The following RGS6 variants were observed in gnomAD, a reference collection of about 807,000 sequenced individuals.
RGS6 encodes the protein regulator of G protein signaling 6.
Under a neutral mutation model 78.5 loss-of-function variants are expected in RGS6, and 30 were observed. That is an observed-to-expected ratio of 0.38 (90% CI 0.29 to 0.52). RGS6 has a LOEUF of 0.52. Among genes scored for constraint, RGS6 ranks in the 20% least tolerant of loss-of-function variants. RGS6 has a pLI of 0.85. For missense variants in RGS6, 495 were observed against 609.7 expected (o/e 0.81, Z 1.98); for synonymous variants, 206 against 206.0 (o/e 1.00, Z 0.00).
chr14:72,473,695 C>A (rs948251012), intron 9 of RGS6, among the ~76,000 whole-genome samples: 3 of 152,182 alleles, frequency 2.0e-5, no homozygotes, highest in Non-Finnish European at 4.4e-5. Flanking sequence ...AGCATCACTC[C>A]CGTGGGAACT....
intron 17 of RGS6, among the ~76,000 whole-genome samples, chr14:72,552,120 G>A (rs1046771523): frequency 1.3e-5 from 2 of 152,216 alleles, no homozygotes; most frequent in African/African-American, 4.8e-5. Context: ...GTGGTTGAGG[G>A]TGGGTACGTG....
chr14:72,357,824 C>A (rs987443500), intron 3 of RGS6, among the ~76,000 whole-genome samples: 1 of 152,128 alleles, frequency 6.6e-6, no homozygotes, highest in Admixed American at 6.5e-5. Context: ...TAAGGAGGAA[C>A]CAAATGTTAA....
chr14:71,946,369 G>A (rs1290527352), intron 1 of RGS6, among the ~76,000 whole-genome samples: 1 of 152,128 alleles, frequency 6.6e-6, no homozygotes, highest in Admixed American at 6.6e-5. Flanking sequence ...GGTTGCGGGG[G>A]CGGGATGTTC....
At chr14:72,196,629 A>G (rs1436750050) in intron 2 of RGS6, among the ~76,000 whole-genome samples, 1 of 152,232 alleles carries the variant, frequency 6.6e-6, no homozygotes, top group Non-Finnish European at 1.5e-5. Context: ...TATGTGTACC[A>G]CAGAATTTTC....
intron 2 of RGS6, among the ~76,000 whole-genome samples, chr14:72,229,471 C>G (rs2048988993): frequency 6.6e-6 from 1 of 152,118 alleles, no homozygotes; most frequent in South Asian, 2.1e-4. Flanking sequence ...CCTACATGTA[C>G]CCTCCATGTC....
At chr14:71,950,063 G>A (rs1465160890) in intron 1 of RGS6, among the ~76,000 whole-genome samples, 6 of 151,914 alleles carry the variant, frequency 3.9e-5, no homozygotes, top group Admixed American at 1.3e-4. Flanking sequence ...TCTTAATTAC[G>A]TGAGCTTTAT....
intron 2 of RGS6, among the ~76,000 whole-genome samples, chr14:72,164,075 G>A (rs1381096226): frequency 6.6e-6 from 1 of 152,036 alleles, no homozygotes; most frequent in Admixed American, 6.6e-5. Flanking sequence ...GTTTTGTGGG[G>A]GAAATAATGT....
At chr14:72,373,903 A>G (rs1245658844) in intron 3 of RGS6, among the ~76,000 whole-genome samples, 1 of 152,160 alleles carries the variant, frequency 6.6e-6, no homozygotes, top group Non-Finnish European at 1.5e-5. Flanking sequence ...TATGAAAACA[A>G]TTTTTATAAC....
chr14:72,176,473 G>T (rs2097106020), intron 2 of RGS6, among the ~76,000 whole-genome samples: 1 of 152,254 alleles, frequency 6.6e-6, no homozygotes, highest in African/African-American at 2.4e-5. Context: ...GAGGATTTCA[G>T]ATGGCACACA....
intron 2 of RGS6, among the ~76,000 whole-genome samples, chr14:72,001,516 ACACAC>A (rs1209882314): frequency 7.2e-6 from 1 of 139,782 alleles, no homozygotes; most frequent in Non-Finnish European, 1.6e-5. Flanking sequence ...ACACACACAC[ACACAC>A]AACGCAGCAA....
Position 72,441,397 on chromosome 14 carries a change from C to T in RGS6, c.185-13131C>T, listed in dbSNP as rs1014528592. 2.6e-5 allele frequency among the ~76,000 whole-genome samples: 4 copies of T among 152,314 alleles called. No homozygotes were observed. The East Asian group carries it at 7.7e-4, about 29-fold the overall frequency. On this transcript the variant is annotated intron_variant, in intron 3 of 17. Transcript: ENST00000553525. ...AGTCCTGCAAAGCCAGGCCTTGACC[C>T]CTTATCTAAATATCCAAAGAAAAAA...
At chr14:72,465,509 G>A (rs2095877054) in intron 6 of RGS6, among the ~76,000 whole-genome samples, 2 of 134,738 alleles carry the variant, frequency 1.5e-5, no homozygotes, top group African/African-American at 5.5e-5. Flanking sequence ...TTTTTCCCAG[G>A]ACAGTGCTGG....
At chr14:72,440,643 C>G (rs2095157465) in intron 3 of RGS6, among the ~76,000 whole-genome samples, 1 of 152,066 alleles carries the variant, frequency 6.6e-6, no homozygotes, top group Non-Finnish European at 1.5e-5. Flanking sequence ...AAACTCCTGA[C>G]CTCAGGTGAT....
intron 15 of RGS6, among the ~76,000 whole-genome samples, chr14:72,533,938 A>G (rs1337166173): frequency 1.3e-5 from 2 of 152,266 alleles, no homozygotes; most frequent in Non-Finnish European, 2.9e-5. Flanking sequence ...TTAGAATATT[A>G]CATCAACTTA....
intron 2 of RGS6, among the ~76,000 whole-genome samples, chr14:72,173,570 AAC>A (rs1435143980): frequency 6.6e-6 from 1 of 152,122 alleles, no homozygotes; most frequent in Non-Finnish European, 1.5e-5. Context: ...GTCATGACAC[AAC>A]ACGTTTTTCC....
intron 2 of RGS6, among the ~76,000 whole-genome samples, chr14:72,078,559 G>A (rs370523338): frequency 9.2e-5 from 14 of 152,078 alleles, no homozygotes; most frequent in East Asian, 7.7e-4. Flanking sequence ...GATTACAGGC[G>A]CCCGTCACCA....
the RGS6 span, among the ~76,000 whole-genome samples, chr14:72,592,718 A>C: frequency 6.6e-6 from 1 of 152,232 alleles, no homozygotes; most frequent in Non-Finnish European, 1.5e-5. Context: ...CTCATCTCAA[A>C]TCTTGTGAAA....
chr14:72,453,799 G>T (rs918740112), intron 3 of RGS6, among the ~76,000 whole-genome samples: 11 of 151,978 alleles, frequency 7.2e-5, no homozygotes. Flanking sequence ...GGTTGGAACC[G>T]TGGCTCCCTG....
the RGS6 span, among the ~76,000 whole-genome samples, chr14:72,592,829 T>G: frequency 1.3e-5 from 2 of 152,156 alleles, no homozygotes; most frequent in Non-Finnish European, 2.9e-5. Context: ...CTGCTCCCAC[T>G]GTGGAAGAAA....
Sources: allele counts gnomAD v4.1 joint callset (sites outside exome capture counted in the v4.1 genomes callset), GRCh38; gene constraint gnomAD v4.1.1; transcripts MANE v1.5; gene names NCBI Gene and HGNC (gene_info 2026-07-23, HGNC 2026-07-21).